Variants in EEF1G observed in about 807,000 individuals in gnomAD.
EEF1G encodes elongation factor 1-gamma.
In EEF1G, 14 loss-of-function variants were observed where a neutral mutation model predicts 58.3. The observed-to-expected ratio is 0.24, with a 90% confidence interval of 0.16 to 0.38. The LOEUF (loss-of-function observed/expected upper bound fraction) is 0.38. Ranked by LOEUF, EEF1G falls within the 10% of genes least tolerant of loss-of-function variation. The pLI is 1.00. For missense variants in EEF1G, 322 were observed against 550.1 expected (o/e 0.59, Z 4.15); for synonymous variants, 180 against 206.8 (o/e 0.87, Z 1.11).
intron 8 of EEF1G, 23 bp from the exon 9 acceptor site, chr11:62,560,216 T>G: frequency 6.2e-7 from 1 of 1,614,030 alleles, no homozygotes; most frequent in Non-Finnish European, 8.5e-7. Context: ...GGGAGAACAT[T>G]CAGCCTTTGG....
At chr11:62,566,545 T>C (rs887015020) in intron 7 of EEF1G, among the ~76,000 whole-genome samples, 1 of 152,210 alleles carries the variant, frequency 6.6e-6, no homozygotes, top group Admixed American at 6.5e-5. Context: ...TACCACTATA[T>C]CAAAATCTGT....
At chr11:62,567,618 A>C in intron 5 of EEF1G, 90 bp from the exon 6 acceptor site, 4 of 1,325,618 alleles carry the variant, frequency 3.0e-6, no homozygotes, top group Non-Finnish European at 4.0e-6. Flanking sequence ...CCTAAGTCCC[A>C]GTGCTCACCT....
intron 7 of EEF1G, among the ~76,000 whole-genome samples, chr11:62,565,039 C>A (rs985259069): frequency 2.0e-5 from 3 of 151,812 alleles, no homozygotes; most frequent in African/African-American, 2.4e-5. Flanking sequence ...CACCACTGCA[C>A]TCCAGCCTGG....
At chr11:62,571,352 G>A (rs918873301) in intron 4 of EEF1G, among the ~76,000 whole-genome samples, 188 bp downstream of exon 4, 3 of 152,168 alleles carry the variant, frequency 2.0e-5, no homozygotes, top group Non-Finnish European at 4.4e-5. Flanking sequence ...TCCCTCTTCT[G>A]ATCACTCATG....
chr11:62,572,655 C>T lies in EEF1G; in HGVS notation c.100G>A (p.Ala34Thr), dbSNP rs11545772. The change falls in exon 2 of 10, where the codon GCA becomes ACA. Residue 34 changes from alanine (A) to threonine (T), a missense_variant. By Grantham distance (58) the Ala-to-Thr change is moderately conservative (BLOSUM62 0). Around this residue, in one of 3 missense-constraint regions of EEF1G, gnomAD observed 62 missense variants for 87.0 expected, o/e 0.71. Coordinates refer to ENST00000329251, the MANE Select transcript of EEF1G (RefSeq NM_001404.5). ...TGGCCAAAATGGAAGTGGGGTGGTG[C>T]GGAGAGCACGCGGACCTGAGCCCCG... ...YSGAQVRVLSAPPHFHFGQTN... is the reference protein window; with the variant it reads ...YSGAQVRVLSTPPHFHFGQTN... The T allele has an allele frequency of 5.0e-6, 8 of 1,612,464 alleles. No individual in the cohort carries two copies. Among genetic ancestry groups the T allele is most frequent in the Non-Finnish European group, 5.9e-6 (7 of 1,179,856 alleles).
intron 2 of EEF1G, 116 bp downstream of exon 2, chr11:62,572,468 T>C (rs1046135483): frequency 5.6e-5 from 76 of 1,361,874 alleles, no homozygotes; most frequent in Non-Finnish European, 7.2e-5. Flanking sequence ...ATCACCGAAA[T>C]TGAATAAAAC....
intron 1 of EEF1G, chr11:62,573,620 T>A: frequency 1.5e-6 from 1 of 683,380 alleles, no homozygotes. Context: ...TTTTCTCCTC[T>A]TCCCCAGACC....
In EEF1G at chr11:62,560,117, G is replaced by A; in HGVS notation, c.1107C>T (p.Ser369=). Residue 369 remains serine, a synonymous_variant, in exon 9 of 10, where the codon AGC becomes AGT. Coordinates refer to ENST00000329251, the MANE Select transcript of EEF1G (RefSeq NM_001404.5). The part of the protein sequence containing the change: ...SVILFGTNNS[S]SISGVWVFRG... ...GGAAGACCCAGACTCCAGAAATGGA[G>A]CTGCTATTGTTGGTTCCAAAAAGGA... The A allele has an allele frequency of 1.2e-6, 2 of 1,614,036 alleles. No homozygotes were observed. Among genetic ancestry groups the A allele is most frequent in the Non-Finnish European group, 1.7e-6 (2 of 1,179,892 alleles).
In EEF1G at chr11:62,573,844, G is replaced by C; in HGVS notation, c.-2C>G. 6.2e-7 allele frequency: 1 copy of C among 1,613,792 alleles called. No homozygotes were observed. Among genetic ancestry groups the C allele is most frequent in the Non-Finnish European group, 8.5e-7 (1 of 1,179,862 alleles). On this transcript the variant is annotated 5_prime_UTR_variant, in exon 1 of 10. Coordinates refer to ENST00000329251, the MANE Select transcript of EEF1G (RefSeq NM_001404.5). ...CAGCAAACTTACCCCAGCCGCCATG[G>C]TGATTCCGCAAAGAAAGGGGGTGGG...
At chr11:62,563,410 A>C in intron 7 of EEF1G, among the ~76,000 whole-genome samples, 1 of 152,170 alleles carries the variant, frequency 6.6e-6, no homozygotes. Flanking sequence ...TGCTGGGATC[A>C]CAGGCGTGAG....
chr11:62,565,562 A>G (rs1404498319), intron 7 of EEF1G, among the ~76,000 whole-genome samples: 1 of 152,012 alleles, frequency 6.6e-6, no homozygotes, highest in East Asian at 1.9e-4. Context: ...GTACTGACCT[A>G]CTATATGTGA....
intron 7 of EEF1G, among the ~76,000 whole-genome samples, chr11:62,561,011 T>G (rs927402067): frequency 1.3e-5 from 2 of 152,238 alleles, no homozygotes; most frequent in African/African-American, 4.8e-5. Flanking sequence ...TCAGGTTATC[T>G]TAAAAGCAAT....
At chr11:62,566,313 T>A (rs1447535998) in intron 7 of EEF1G, among the ~76,000 whole-genome samples, 1 of 152,230 alleles carries the variant, frequency 6.6e-6, no homozygotes, top group Admixed American at 6.5e-5. Flanking sequence ...TACTTAGCTA[T>A]GATCTTCATC....
intron 7 of EEF1G, 55 bp downstream of exon 7, chr11:62,566,751 G>A: frequency 6.5e-7 from 1 of 1,531,314 alleles, no homozygotes; most frequent in South Asian, 1.1e-5. Flanking sequence ...GGGACATACA[G>A]AGGTGAGAAC....
In EEF1G at chr11:62,567,414, T is replaced by C; in HGVS notation, c.637A>G (p.Met213Val). Residue 213 changes from methionine to valine, a missense_variant, in exon 6 of 10, where the codon ATG becomes GTG. This residue lies in a region of EEF1G where 208 missense variants were observed against 323.7 expected (regional missense o/e 0.64). Coordinates refer to ENST00000329251, the MANE Select transcript of EEF1G (RefSeq NM_001404.5). ...VLGEVKLCEK[M>V]AQFDAKKFAE... ...TCAGACTCACCATCAAACTGGGCCA[T>C]CTTCTCACACAGTTTCACTTCGCCC... The C allele has an allele frequency of 6.2e-7, 1 of 1,612,206 alleles. No individual in the cohort carries two copies.
In EEF1G at chr11:62,567,301, C is replaced by G. The variant is rs1245586055; in HGVS notation, c.652+98G>C. On this transcript the variant is annotated intron_variant, in intron 6 of 9. Transcript: ENST00000329251. ...CATTGACACCCTACATTCTGCAGGTCCCCATAACCCAAAAGCAAGACAGGA... is the reference window on the plus strand; with the variant it reads ...CATTGACACCCTACATTCTGCAGGTGCCCATAACCCAAAAGCAAGACAGGA... The G allele has an allele frequency of 8.2e-6, 12 of 1,459,668 alleles. No homozygotes were observed. In the Admixed American group the frequency reaches 3.1e-4, roughly 38 times the overall value. The allele number at this position is 1,459,668 out of a possible 1,614,324, so 90.4% of individuals were successfully genotyped here.
chr11:62,566,743 G>C, intron 7 of EEF1G, 63 bp downstream of exon 7: 3 of 1,457,456 alleles, frequency 2.1e-6, no homozygotes, highest in Non-Finnish European at 2.9e-6. Context: ...TGTGAGGGGG[G>C]ACATACAGAG....
intron 1 of EEF1G, 56 bp downstream of exon 1, chr11:62,573,775 G>A: frequency 2.5e-6 from 4 of 1,612,638 alleles, no homozygotes; most frequent in Admixed American, 1.7e-5. Flanking sequence ...GGCCCCACTC[G>A]GGCAAAGGAT....
At chr11:62,564,796 G>A (rs1430028126) in intron 7 of EEF1G, among the ~76,000 whole-genome samples, 4 of 137,750 alleles carry the variant, frequency 2.9e-5, no homozygotes, top group South Asian at 2.4e-4. Context: ...GGCCAGGCAC[G>A]GTAGCTCACA....
Sources: allele counts gnomAD v4.1 joint callset (sites outside exome capture counted in the v4.1 genomes callset), GRCh38; gene constraint gnomAD v4.1.1; regional missense constraint gnomAD v4.1.1; transcripts MANE v1.5; gene names NCBI Gene and HGNC (gene_info 2026-07-23, HGNC 2026-07-21).